DPYSL2: variants seen among roughly 807,000 people sequenced by gnomAD.
The protein encoded by DPYSL2 is dihydropyrimidinase-related protein 2.
A neutral mutation model predicts 69.9 loss-of-function variants in DPYSL2; 13 were observed. The observed-to-expected ratio is 0.19, with a 90% CI of 0.12 to 0.30. DPYSL2 has a LOEUF of 0.30. Among genes scored for constraint, DPYSL2 ranks in the 10% least tolerant of loss-of-function variants. DPYSL2 has a pLI of 1.00. For missense variants in DPYSL2, 587 were observed against 918.9 expected, an observed-to-expected ratio of 0.64 and a Z score of 4.67; for synonymous variants, 326 against 359.1, an observed-to-expected ratio of 0.91 and a Z score of 1.04.
intron 3 of DPYSL2, among the ~76,000 whole-genome samples, chr8:26,590,979 T>C (rs2129771483): frequency 6.6e-6 from 1 of 152,330 alleles, no homozygotes; most frequent in South Asian, 2.1e-4. Context: ...GTCTAGACTC[T>C]GTTTCGTGGA....
At chr8:26,592,780 A>G (rs1041767456) in intron 3 of DPYSL2, among the ~76,000 whole-genome samples, 8 of 152,116 alleles carry the variant, frequency 5.3e-5, no homozygotes, top group Non-Finnish European at 1.0e-4. Context: ...CCCGGCCGGT[A>G]CATTAGTTTT....
In DPYSL2 at chr8:26,642,953, T is replaced by C. The variant is rs1171705490; in HGVS notation, c.1127-486T>C. On this transcript the variant is annotated intron_variant, in intron 8 of 13. Transcript: ENST00000521913. The surrounding 1 kb of genome is among the most constrained non-coding windows in gnomAD (Gnocchi z 5.3). Reference sequence around the variant, plus strand: ...CCTGAAATACTTCGCCCTGGTGATGTCATGTGTGATTTCCTCCCGCAGACC... The same window carrying C: ...CCTGAAATACTTCGCCCTGGTGATGCCATGTGTGATTTCCTCCCGCAGACC... 2.6e-5 allele frequency: 4 copies of C among 153,178 alleles called. No homozygotes were observed. Among genetic ancestry groups the C allele is most frequent in the Non-Finnish European group, 5.8e-5 (4 of 68,798 alleles). The allele number at this position is 153,178 out of a possible 1,614,324, so 9.5% of individuals were successfully genotyped here.
chr8:26,534,079 A>G (rs546322711), intron 1 of DPYSL2, among the ~76,000 whole-genome samples: 147 of 152,346 alleles, frequency 9.6e-4, no homozygotes, highest in African/African-American at 3.4e-3. Flanking sequence ...TTCAATGAGC[A>G]ACAACAAGAC....
intron 3 of DPYSL2, among the ~76,000 whole-genome samples, chr8:26,596,874 C>T (rs894770450): frequency 2.4e-4 from 36 of 152,164 alleles, no homozygotes; most frequent in African/African-American, 6.8e-4. Flanking sequence ...GCTTTGTGCC[C>T]AGCCTTGTGA....
Position 26,620,941 on chromosome 8 carries a change from CAT to C in DPYSL2, c.629-3199_629-3198del, listed in dbSNP as rs1375272625. Reference sequence around the variant, plus strand: ...ACACTTGCATCCACATCTACATACACATATTTTACATACACATATACACATAT... The same window carrying C: ...ACACTTGCATCCACATCTACATACACATTTTACATACACATATACACATAT... On this transcript the variant is annotated intron_variant, in intron 3 of 13. Transcript: ENST00000521913. This position sits in a 1 kb window ranked among gnomAD's most constrained non-coding sequence, Gnocchi z 4.5. Among the ~76,000 whole-genome samples, 1 of 152,190 alleles carries C rather than the reference CAT, an allele frequency of 6.6e-6. No homozygotes were observed. Among genetic ancestry groups the C allele is most frequent in the Non-Finnish European group, 1.5e-5 (1 of 68,032 alleles).
At chr8:26,524,115 T>C (rs960378159) in intron 1 of DPYSL2, among the ~76,000 whole-genome samples, 1 of 152,254 alleles carries the variant, frequency 6.6e-6, no homozygotes, top group African/African-American at 2.4e-5. Flanking sequence ...ACAGTGGTTA[T>C]ACCATTTGAC....
At chr8:26,618,855 C>T (rs113774116) in intron 3 of DPYSL2, among the ~76,000 whole-genome samples, 472 of 151,278 alleles carry the variant, frequency 3.1e-3, no homozygotes, top group Non-Finnish European at 5.7e-3. Context: ...CTACTCAGGA[C>T]GCTGAGGCAG....
At position 26,647,783 on chromosome 8, in the gene DPYSL2, G is replaced by T; in HGVS notation, c.1579G>T (p.Ala527Ser). Residue 527 changes from alanine (A) to serine (S), a missense_variant, in exon 11 of 14, where the codon GCC becomes TCC. Ala to Ser is a moderately conservative substitution (Grantham distance 99, BLOSUM62 1). Around this residue, in one of 3 missense-constraint regions of DPYSL2, gnomAD observed 452 missense variants for 754.3 expected, o/e 0.60. Transcript: ENST00000521913. The surrounding 1 kb of genome is among the most constrained non-coding windows in gnomAD (Gnocchi z 5.1). ...CCCCGACAGCGTTAAAACCATCTCTGCCAAGACACACAACAGCGTAAGACC... is the reference window on the plus strand; with the variant it reads ...CCCCGACAGCGTTAAAACCATCTCTTCCAAGACACACAACAGCGTAAGACC... ...WDPDSVKTIS[A>S]KTHNSSLEYN... is the part of the protein sequence containing the mutation. 6.2e-7 allele frequency: 1 copy of T among 1,613,588 alleles called. No individual in the cohort carries two copies. The highest frequency in any genetic ancestry group is 8.5e-7 in the Non-Finnish European group (1 of 1,179,748).
rs56998889 is a variant in DPYSL2 at position 26,598,945 on chromosome 8, G to C, written c.628+14962G>C. On this transcript the variant is annotated intron_variant, in intron 3 of 13. Transcript: ENST00000521913. The surrounding 1 kb of genome is among the most constrained non-coding windows in gnomAD (Gnocchi z 4.2). ...AGCTGCGCAAGTGTCGTGCATGTGC[G>C]TTTGGCTCACACCCAGCGGGAGTGC... 6.6e-6 allele frequency among the ~76,000 whole-genome samples: 1 copy of C among 152,216 alleles called. No homozygotes were observed. Among genetic ancestry groups the C allele is most frequent in the South Asian group, 2.1e-4 (1 of 4,830 alleles).
chr8:26,642,174 A>G lies in DPYSL2; in HGVS notation c.1127-1265A>G, dbSNP rs1488286253. ...TATTAGACCATTTAATCAATTTAAC[A>G]CACGTTTTTGGAGTGCCTACTATGT... On this transcript the variant is annotated intron_variant, in intron 8 of 13. Coordinates refer to ENST00000521913, the MANE Select transcript of DPYSL2 (RefSeq NM_001197293.3). The surrounding 1 kb of genome is among the most constrained non-coding windows in gnomAD (Gnocchi z 5.3). Among the ~76,000 whole-genome samples, 1 of 152,170 alleles carries G rather than the reference A, an allele frequency of 6.6e-6. No homozygotes were observed. Among genetic ancestry groups the G allele is most frequent in the African/African-American group, 2.4e-5 (1 of 41,438 alleles).
At chr8:26,550,105 A>G (rs946003418) in intron 1 of DPYSL2, among the ~76,000 whole-genome samples, 2 of 152,230 alleles carry the variant, frequency 1.3e-5, no homozygotes, top group African/African-American at 4.8e-5. Context: ...TTAGGTAGTT[A>G]TAGCTTATGG....
rs1252197367 is a variant in DPYSL2 at position 26,571,989 on chromosome 8, T to G, written c.355-9980T>G. Among the ~76,000 whole-genome samples the G allele has an allele frequency of 6.6e-6, 1 of 152,198 alleles. No homozygotes were observed. Among genetic ancestry groups the G allele is most frequent in the East Asian group, 1.9e-4 (1 of 5,200 alleles). Reference sequence around the variant, plus strand: ...GCCCTTTGTTTTGGCAAAGAAGGATTCCAGTACCTTCTCTTTACTGCCGCA... The same window carrying G: ...GCCCTTTGTTTTGGCAAAGAAGGATGCCAGTACCTTCTCTTTACTGCCGCA... On this transcript the variant is annotated intron_variant, in intron 1 of 13. Coordinates refer to ENST00000521913, the MANE Select transcript of DPYSL2 (RefSeq NM_001197293.3). The surrounding 1 kb of genome is among the most constrained non-coding windows in gnomAD (Gnocchi z 6.1).
chr8:26,578,937 C>T (rs1801422703), intron 1 of DPYSL2, among the ~76,000 whole-genome samples: 1 of 125,454 alleles, frequency 8.0e-6, no homozygotes, highest in Non-Finnish European at 1.7e-5. Flanking sequence ...TCTTGTTGGC[C>T]AGGAACCGGT....
Position 26,624,068 on chromosome 8 carries a change from C to T in DPYSL2, c.629-75C>T. 6.5e-7 allele frequency: 1 copy of T among 1,542,932 alleles called. No individual in the cohort carries two copies. The highest frequency in any genetic ancestry group is 8.9e-7 in the Non-Finnish European group (1 of 1,129,238). On this transcript the variant is annotated intron_variant, in intron 3 of 13. Transcript: ENST00000521913. The surrounding 1 kb of genome is among the most constrained non-coding windows in gnomAD (Gnocchi z 4.7). Reference sequence around the variant, plus strand: ...AACCCAAGAAGCCTTATTCAGGGTTCAAGTGGGAAAATACCTGCTGGCCCA... The same window carrying T: ...AACCCAAGAAGCCTTATTCAGGGTTTAAGTGGGAAAATACCTGCTGGCCCA...
chr8:26,593,390 A>T lies in DPYSL2; in HGVS notation c.628+9407A>T, dbSNP rs1284539849. 6.6e-6 allele frequency among the ~76,000 whole-genome samples: 1 copy of T among 152,208 alleles called. No individual in the cohort carries two copies. The highest frequency in any genetic ancestry group is 1.5e-5 in the Non-Finnish European group (1 of 68,032). ...GCTGGGATTAAGAATCATGGATCCC[A>T]GTGCTTGTTCTGATAGTTGGACTTC... On this transcript the variant is annotated intron_variant, in intron 3 of 13. Transcript: ENST00000521913. The surrounding 1 kb of genome is among the most constrained non-coding windows in gnomAD (Gnocchi z 5.7).
chr8:26,651,064 A>G (rs143727899), intron 11 of DPYSL2, among the ~76,000 whole-genome samples: 1 of 152,186 alleles, frequency 6.6e-6, no homozygotes, highest in Non-Finnish European at 1.5e-5. Context: ...TTGATGAAAG[A>G]CAATTTTAAG....
At position 26,584,179 on chromosome 8, in the gene DPYSL2, A is replaced by G. The variant is rs112108961; in HGVS notation, c.628+196A>G. On this transcript the variant is annotated intron_variant, in intron 3 of 13. Transcript: ENST00000521913. The stretch of plus-strand genomic sequence containing the variant: ...TTTCTGTCAAATTTTAAGTTCTCCC[A>G]TTGAACTAGAGAATATGGTTCTAAG... 1.1e-3 allele frequency among the ~76,000 whole-genome samples: 168 copies of G among 152,328 alleles called. 4 individuals carry two copies. The East Asian group carries it at 0.027, about 24-fold the overall frequency.
chr8:26,556,133 T>A (rs1800951986), intron 1 of DPYSL2, among the ~76,000 whole-genome samples: 2 of 2,482 alleles, frequency 8.1e-4, no homozygotes, highest in Non-Finnish European at 1.3e-3. Context: ...ATATTATATA[T>A]ACTATATATA....
chr8:26,542,884 G>A (rs562867537), intron 1 of DPYSL2, among the ~76,000 whole-genome samples: 85 of 152,282 alleles, frequency 5.6e-4, no homozygotes, highest in Non-Finnish European at 1.0e-3. Flanking sequence ...TTATTGGATT[G>A]AGAGCATACA....
Sources: allele counts gnomAD v4.1 joint callset (sites outside exome capture counted in the v4.1 genomes callset), GRCh38; gene constraint gnomAD v4.1.1; regional missense constraint gnomAD v4.1.1; non-coding constraint Gnocchi (gnomAD v3.1); transcripts MANE v1.5; gene names NCBI Gene and HGNC (gene_info 2026-07-23, HGNC 2026-07-21).